Variants in MED27 observed in about 807,000 individuals in gnomAD.
MED27 encodes mediator complex subunit 27, also known as mediator of RNA polymerase II transcription subunit 27.
Under a neutral mutation model 38.2 loss-of-function variants are expected in MED27, and 30 were observed. That is an observed-to-expected ratio of 0.79 (90% CI 0.59 to 1.07). The LOEUF (loss-of-function observed/expected upper bound fraction) is 1.07, where lower values mean the gene tolerates loss of function less well. Among genes scored for constraint, MED27 ranks in the 50% least tolerant of loss-of-function variants. MED27 has a pLI of 0.00. For missense variants in MED27, 289 were observed against 397.5 expected, an observed-to-expected ratio of 0.73 and a Z score of 2.32; for synonymous variants, 122 against 153.5, an observed-to-expected ratio of 0.79 and a Z score of 1.52.
At chr9:132,075,393 G>C (rs937136831) in intron 2 of MED27, among the ~76,000 whole-genome samples, 1 of 152,162 alleles carries the variant, frequency 6.6e-6, no homozygotes, top group Non-Finnish European at 1.5e-5. Flanking sequence ...TCAGCAGGCC[G>C]GGGGCATGGC....
chr9:131,874,034 C>T (rs1182445521), intron 6 of MED27, among the ~76,000 whole-genome samples: 2 of 152,226 alleles, frequency 1.3e-5, no homozygotes, highest in Non-Finnish European at 2.9e-5. Context: ...CCTACAGGAT[C>T]CTTCTGAAAG....
intron 3 of MED27, among the ~76,000 whole-genome samples, chr9:131,978,856 T>C (rs1211934682): frequency 1.3e-5 from 2 of 152,254 alleles, no homozygotes; most frequent in South Asian, 4.1e-4. Context: ...CAGGTTTCAA[T>C]TGTGTATGTA....
At chr9:131,915,725 T>C (rs1197454894) in intron 4 of MED27, among the ~76,000 whole-genome samples, 1 of 152,216 alleles carries the variant, frequency 6.6e-6, no homozygotes, top group African/African-American at 2.4e-5. Context: ...CAATGCTATC[T>C]GAATTAAATA....
rs182111234 is a variant in MED27 at position 132,068,652 on chromosome 9, G to T, written c.348+8790C>A. Among the ~76,000 whole-genome samples the T allele has an allele frequency of 5.3e-5, 8 of 152,274 alleles. No individual in the cohort carries two copies. The East Asian group carries it at 1.5e-3, about 29-fold the overall frequency. ...GCAGAAGCGACGGATGACACCCAGG[G>T]ATCTGGGTAGGTGGCTGGCTAAGGC... is the stretch of plus-strand genomic sequence containing the variant. On this transcript the variant is annotated intron_variant, in intron 2 of 7. Transcript: ENST00000292035.
At chr9:132,079,563 C>T (rs1421635662) in intron 1 of MED27, 79 bp downstream of exon 1, 1 of 1,353,692 alleles carries the variant, frequency 7.4e-7, no homozygotes, top group Non-Finnish European at 1.1e-6. Context: ...CAGCCCCTGC[C>T]TGGGAAGACT....
At chr9:132,046,922 G>A (rs1444840890) in intron 2 of MED27, among the ~76,000 whole-genome samples, 1 of 152,150 alleles carries the variant, frequency 6.6e-6, no homozygotes, top group Non-Finnish European at 1.5e-5. Context: ...TCAAAAAGGA[G>A]AGCCTCAAGA....
chr9:132,054,347 C>A (rs1833528994), intron 2 of MED27, among the ~76,000 whole-genome samples: 1 of 152,186 alleles, frequency 6.6e-6, no homozygotes, highest in South Asian at 2.1e-4. Flanking sequence ...TCCCTGAGGC[C>A]TCCCCAGAAG....
chr9:132,001,693 C>G (rs767591992), intron 3 of MED27, among the ~76,000 whole-genome samples: 10 of 152,196 alleles, frequency 6.6e-5, no homozygotes, highest in Admixed American at 1.3e-4. Flanking sequence ...CCACCTTCTT[C>G]TAAGTTCTAA....
intron 3 of MED27, among the ~76,000 whole-genome samples, chr9:131,981,792 G>A (rs1244807869): frequency 1.3e-5 from 2 of 152,144 alleles, no homozygotes; most frequent in Admixed American, 6.5e-5. Context: ...GGCACACGGC[G>A]GCCAAGGAGG....
chr9:131,866,436 T>C (rs1165958918), intron 6 of MED27, among the ~76,000 whole-genome samples: 1 of 152,266 alleles, frequency 6.6e-6, no homozygotes, highest in Non-Finnish European at 1.5e-5. Flanking sequence ...GCCAGAAACC[T>C]GGGCCCTGCC....
At chr9:131,990,886 A>T (rs1278439793) in intron 3 of MED27, among the ~76,000 whole-genome samples, 1 of 152,214 alleles carries the variant, frequency 6.6e-6, no homozygotes, top group Non-Finnish European at 1.5e-5. Flanking sequence ...ACTATGCACT[A>T]ATCAGATATG....
chr9:131,892,804 A>G (rs1198974706), intron 5 of MED27, among the ~76,000 whole-genome samples: 1 of 152,226 alleles, frequency 6.6e-6, no homozygotes, highest in Non-Finnish European at 1.5e-5. Context: ...TACTCACTTT[A>G]CATGCATGCT....
At chr9:132,015,051 G>A (rs1031103830) in intron 2 of MED27, among the ~76,000 whole-genome samples, 1 of 152,186 alleles carries the variant, frequency 6.6e-6, no homozygotes, top group African/African-American at 2.4e-5. Context: ...CATAGAATTT[G>A]TAGTCTACCG....
At chr9:132,027,974 T>C (rs575442370) in intron 2 of MED27, among the ~76,000 whole-genome samples, 1 of 152,256 alleles carries the variant, frequency 6.6e-6, no homozygotes, top group African/African-American at 2.4e-5. Flanking sequence ...GTCACCGGCC[T>C]AGGTGCCCAT....
intron 5 of MED27, among the ~76,000 whole-genome samples, chr9:131,891,037 TGCTGTAAGGAGAG>T (rs1367946918): frequency 6.6e-6 from 1 of 152,218 alleles, no homozygotes; most frequent in South Asian, 2.1e-4. Flanking sequence ...GATAACTCTG[TGCTGTAAGGAGAG>T]GCAAACCCAG....
chr9:132,037,194 T>C (rs1833097490), intron 2 of MED27, among the ~76,000 whole-genome samples: 1 of 152,132 alleles, frequency 6.6e-6, no homozygotes, highest in African/African-American at 2.4e-5. Context: ...GACCCCTCCG[T>C]TTATCACAGA....
At chr9:131,908,733 A>G (rs1055425837) in intron 4 of MED27, among the ~76,000 whole-genome samples, 2 of 152,142 alleles carry the variant, frequency 1.3e-5, no homozygotes, top group African/African-American at 4.8e-5. Flanking sequence ...AGGGACACAA[A>G]CACTGCGGAA....
intron 3 of MED27, among the ~76,000 whole-genome samples, chr9:131,992,245 T>C (rs1389391402): frequency 6.6e-6 from 1 of 151,986 alleles, no homozygotes; most frequent in Non-Finnish European, 1.5e-5. Flanking sequence ...TTTGAACCAA[T>C]GAGAAAAAAA....
chr9:131,958,088 AT>A (rs1589233793), intron 3 of MED27, among the ~76,000 whole-genome samples: 1 of 152,096 alleles, frequency 6.6e-6, no homozygotes, highest in East Asian at 1.9e-4. Context: ...GTCAAAACTC[AT>A]TGAACTGTAC....
Sources: allele counts gnomAD v4.1 joint callset (sites outside exome capture counted in the v4.1 genomes callset), GRCh38; gene constraint gnomAD v4.1.1; transcripts MANE v1.5; gene names NCBI Gene and HGNC (gene_info 2026-07-23, HGNC 2026-07-21).